SOX6: variants seen among roughly 807,000 people sequenced by gnomAD.
SOX6 encodes SRY-box transcription factor 6.
In SOX6, 11 loss-of-function variants were observed where a neutral mutation model predicts 97.8. The observed-to-expected ratio is 0.11, with a 90% CI of 0.07 to 0.19. SOX6 has a LOEUF of 0.19. Among genes scored for constraint, SOX6 ranks in the 10% least tolerant of loss-of-function variants. SOX6 has a pLI of 1.00. For synonymous variants in SOX6, 360 were observed against 371.4 expected, an observed-to-expected ratio of 0.97 and a Z score of 0.35; for missense variants, 810 against 1,039.5, an observed-to-expected ratio of 0.78 and a Z score of 3.04.
intron 13 of SOX6, among the ~76,000 whole-genome samples, chr11:15,998,260 T>C (rs1423509978): frequency 6.6e-6 from 1 of 150,606 alleles, no homozygotes. Context: ...CAATAAAAAA[T>C]ACCAAAATCA....
chr11:16,218,112 A>G (rs1298358444), intron 4 of SOX6, among the ~76,000 whole-genome samples: 1 of 152,098 alleles, frequency 6.6e-6, no homozygotes, highest in Non-Finnish European at 1.5e-5. Flanking sequence ...ATTATTTTTA[A>G]CCCCCGCAAA....
intron 3 of SOX6, among the ~76,000 whole-genome samples, chr11:16,692,054 TGC>T (rs1158339143): frequency 9.9e-4 from 121 of 122,204 alleles, no homozygotes; most frequent in African/African-American, 3.7e-3. Flanking sequence ...GATTTGCGTG[TGC>T]GTGTGTGTGT....
At chr11:16,279,343 G>A (rs1854487620) in intron 3 of SOX6, among the ~76,000 whole-genome samples, 1 of 151,936 alleles carries the variant, frequency 6.6e-6, no homozygotes, top group Non-Finnish European at 1.5e-5. Flanking sequence ...ACCTATACAA[G>A]GCAAAATCAT....
intron 4 of SOX6, among the ~76,000 whole-genome samples, chr11:16,589,049 C>G (rs1848124168): frequency 6.6e-6 from 1 of 152,156 alleles, no homozygotes; most frequent in South Asian, 2.1e-4. Context: ...AACAAAAATA[C>G]CATACTACTG....
chr11:16,305,532 C>T (rs931642811), intron 3 of SOX6, among the ~76,000 whole-genome samples: 2 of 152,130 alleles, frequency 1.3e-5, no homozygotes, highest in Non-Finnish European at 2.9e-5. Context: ...ACAATATAGC[C>T]AGCAATTGTA....
intron 6 of SOX6, among the ~76,000 whole-genome samples, chr11:16,172,631 C>T (rs1349986): frequency 6.6e-6 from 1 of 151,790 alleles, no homozygotes; most frequent in Non-Finnish European, 1.5e-5. Flanking sequence ...TTCCTAAGCA[C>T]GACTATCTAC....
At chr11:16,132,314 GGAAGGAAGGAAGGAAGGAAA>G (rs1227679773) in intron 6 of SOX6, among the ~76,000 whole-genome samples, 7 of 97,972 alleles carry the variant, frequency 7.1e-5, no homozygotes, top group African/African-American at 1.6e-4. Context: ...AAGGAAGGAA[GGAAGGAAGGAAGGAAGGAAA>G]GAAAAAAGAA....
rs567440424 is a variant in SOX6 at position 15,979,441 on chromosome 11, T to A, written c.2184-6329A>T. ...AAAATTCTCAACATAGCATATAGAGTGATCCTTTCAAAACCTAAGTCATAT... is the reference window on the plus strand; with the variant it reads ...AAAATTCTCAACATAGCATATAGAGAGATCCTTTCAAAACCTAAGTCATAT... On this transcript the variant is annotated intron_variant, in intron 15 of 15. Transcript: ENST00000683767. Among the ~76,000 whole-genome samples, 12 of 152,094 alleles carry A rather than the reference T, an allele frequency of 7.9e-5. No individual in the cohort carries two copies. In the South Asian group the frequency reaches 2.5e-3, roughly 32 times the overall value.
intron 3 of SOX6, among the ~76,000 whole-genome samples, chr11:16,672,234 C>A (rs1847852151): frequency 6.6e-6 from 1 of 152,154 alleles, no homozygotes; most frequent in Non-Finnish European, 1.5e-5. Flanking sequence ...AAAGCAACCA[C>A]ACAAACAAGC....
chr11:16,565,382 T>A (rs1034530119), intron 4 of SOX6, among the ~76,000 whole-genome samples: 3 of 152,078 alleles, frequency 2.0e-5, no homozygotes, highest in African/African-American at 7.2e-5. Context: ...TTAACACCAA[T>A]TCTACGCAAT....
At chr11:16,217,377 TAAAG>T (rs2134151735) in intron 4 of SOX6, among the ~76,000 whole-genome samples, 1 of 152,280 alleles carries the variant, frequency 6.6e-6, no homozygotes, top group South Asian at 2.1e-4. Flanking sequence ...AGTTTCTTTA[TAAAG>T]AGTTATATAA....
upstream of SOX6, among the ~76,000 whole-genome samples, chr11:16,477,097 G>T (rs1301882382): frequency 6.6e-6 from 1 of 151,958 alleles, no homozygotes; most frequent in Non-Finnish European, 1.5e-5. Flanking sequence ...TTTATTGTTT[G>T]GTCTAAATAC....
chr11:16,049,997 C>A (rs1253977734), intron 10 of SOX6, 59 bp from the exon 11 acceptor site: 2 of 1,560,852 alleles, frequency 1.3e-6, no homozygotes, highest in Non-Finnish European at 1.8e-6. Context: ...CACATTATCA[C>A]TTAGTAAGCC....
At chr11:16,149,906 T>C (rs1050036749) in intron 6 of SOX6, among the ~76,000 whole-genome samples, 1 of 152,174 alleles carries the variant, frequency 6.6e-6, no homozygotes, top group African/African-American at 2.4e-5. Flanking sequence ...GAAACCAGGA[T>C]CTTTTAGTCA....
rs1368296408 is a variant in SOX6, at chr11:16,072,738, T to C, written c.1102-16837A>G. Among the ~76,000 whole-genome samples the C allele has an allele frequency of 2.6e-5, 4 of 152,208 alleles. No homozygotes were observed. In the South Asian group the frequency reaches 6.2e-4, roughly 24 times the overall value. On this transcript the variant is annotated intron_variant, in intron 9 of 15. Transcript: ENST00000683767. The stretch of plus-strand genomic sequence containing the variant: ...CTCAAAGGGAACCCCATTAAGCTAA[T>C]AGCAAACTTTTCAGCAGAAACCCTA...
chr11:16,077,561 T>C (rs563844163), intron 9 of SOX6, among the ~76,000 whole-genome samples: 2 of 152,200 alleles, frequency 1.3e-5, no homozygotes, highest in East Asian at 3.9e-4. Context: ...TCAACCTAAA[T>C]GCCCGTCATA....
chr11:16,100,139 TGC>T (rs1848908145), intron 7 of SOX6, among the ~76,000 whole-genome samples: 1 of 151,834 alleles, frequency 6.6e-6, no homozygotes, highest in Non-Finnish European at 1.5e-5. Context: ...GTTTCCCTTA[TGC>T]TGCTCTAATT....
At chr11:16,401,935 A>G (rs1858569209) in intron 1 of SOX6, among the ~76,000 whole-genome samples, 1 of 151,562 alleles carries the variant, frequency 6.6e-6, no homozygotes, top group Non-Finnish European at 1.5e-5. Flanking sequence ...TTTTTGCTTA[A>G]AAAAGAAAAA....
At chr11:16,249,200 A>T (rs1204212184) in intron 3 of SOX6, among the ~76,000 whole-genome samples, 17 of 151,992 alleles carry the variant, frequency 1.1e-4, no homozygotes, top group Admixed American at 1.1e-3. Context: ...TTTCTTTTCT[A>T]TCACATCGTT....
Sources: gnomAD v4.1 joint callset for allele counts (sites outside exome capture counted in the v4.1 genomes callset) on GRCh38, gnomAD v4.1.1 for gene constraint, MANE v1.5 for transcripts, NCBI Gene and HGNC (gene_info 2026-07-23, HGNC 2026-07-21) for gene names.